The following DSG1 variants were observed in gnomAD, a reference collection of about 807,000 sequenced individuals.
The protein encoded by DSG1 is desmoglein 1, also known as desmoglein-1.
In DSG1, 39 loss-of-function variants were observed where a neutral mutation model predicts 97.5. The ratio of observed to expected loss-of-function variants is 0.40; its 90% confidence interval spans 0.31 to 0.52. The LOEUF is 0.52. Ranked by LOEUF, DSG1 falls within the 20% of genes least tolerant of loss-of-function variation. The pLI, the probability that DSG1 is intolerant of heterozygous loss-of-function variation, is 0.53. For synonymous variants in DSG1, 475 were observed against 443.4 expected (o/e 1.07, Z -0.90); for missense variants, 1,311 against 1,295.4 (o/e 1.01, Z -0.18).
intron 14 of DSG1, 30 bp downstream of exon 14, chr18:31,346,228 C>A: frequency 6.4e-7 from 1 of 1,559,392 alleles, no homozygotes; most frequent in Non-Finnish European, 8.8e-7. Context: ...GCCTTTCTCG[C>A]CATCCATGTG....
At position 31,318,190 on chromosome 18, in the gene DSG1, A is replaced by G; in HGVS notation, c.-111A>G. ...CACCTCAAAGCCTGCATGTAAGAAC[A>G]TCTACTGAGAAATTATTTTAATCAG... On this transcript the variant is annotated 5_prime_UTR_variant, in exon 1 of 15. Coordinates refer to ENST00000257192, the MANE Select transcript of DSG1 (RefSeq NM_001942.4). 1 of 965,442 alleles carries G rather than the reference A, an allele frequency of 1.0e-6. No individual in the cohort carries two copies. The highest frequency in any genetic ancestry group is 2.4e-5 in the East Asian group (1 of 41,896). The allele number at this position is 965,442 out of a possible 1,614,324, so 59.8% of individuals were successfully genotyped here.
intron 4 of DSG1, among the ~76,000 whole-genome samples, chr18:31,329,524 T>A (rs1271004822): frequency 6.6e-6 from 1 of 152,006 alleles, no homozygotes; most frequent in Admixed American, 6.6e-5. Context: ...CATAATGCAT[T>A]TTTTTACGTC....
intron 14 of DSG1, among the ~76,000 whole-genome samples, chr18:31,349,062 A>T: frequency 1.0e-5 from 1 of 99,190 alleles, no homozygotes; most frequent in African/African-American, 4.0e-5. Flanking sequence ...CTGAATGGTA[A>T]TGCCTAGGTT....
chr18:31,320,300 AT>A (rs1317763984), intron 1 of DSG1, among the ~76,000 whole-genome samples: 8 of 152,332 alleles, frequency 5.3e-5, no homozygotes, highest in Non-Finnish European at 1.2e-4. Flanking sequence ...ATGAAAAAAA[AT>A]TTATGTAAAG....
rs2071722565 is a variant in DSG1, at chr18:31,331,783, A to G, written c.600A>G (p.Arg200=). The G allele has an allele frequency of 3.7e-6, 6 of 1,612,924 alleles. No homozygotes were observed. Among genetic ancestry groups the G allele is most frequent in the African/African-American group, 1.3e-5 (1 of 74,976 alleles). ...LNSKIAFKII[R]QEPSDSPMFI... is the part of the protein sequence containing the mutation. ...CAAAAATAGCCTTCAAGATTATAAGACAAGAACCTTCAGATTCACCAATGT... is the reference window on the plus strand; with the variant it reads ...CAAAAATAGCCTTCAAGATTATAAGGCAAGAACCTTCAGATTCACCAATGT... The change falls in exon 6 of 15, where the codon AGA becomes AGG. Residue 200 remains arginine, a synonymous_variant. Coordinates refer to ENST00000257192, the MANE Select transcript of DSG1 (RefSeq NM_001942.4).
intron 13 of DSG1, 55 bp from the exon 14 acceptor site, chr18:31,345,935 T>C: frequency 6.9e-7 from 1 of 1,458,876 alleles, no homozygotes; most frequent in Admixed American, 1.8e-5. Flanking sequence ...AAGTTGTTAC[T>C]TTTTAGTTTA....
intron 10 of DSG1, 30 bp downstream of exon 10, chr18:31,338,484 T>C: frequency 6.2e-7 from 1 of 1,606,388 alleles, no homozygotes; most frequent in Non-Finnish European, 8.5e-7. Context: ...TTTTATCTTT[T>C]CTAGAGAAAG....
At chr18:31,334,366 T>G (rs2071739378) in intron 8 of DSG1, among the ~76,000 whole-genome samples, 164 bp downstream of exon 8, 1 of 152,264 alleles carries the variant, frequency 6.6e-6, no homozygotes, top group African/African-American at 2.4e-5. Context: ...ATATAGTCTT[T>G]CTGCTTATAA....
Position 31,358,773 on chromosome 18 carries a change from C to A in DSG1, c.*3427C>A, listed in dbSNP as rs1341858530. 6.6e-6 allele frequency among the ~76,000 whole-genome samples: 1 copy of A among 151,546 alleles called. No individual in the cohort carries two copies. Among genetic ancestry groups the A allele is most frequent in the East Asian group, 1.9e-4 (1 of 5,180 alleles). ...TCATAAATTCCAACTTTTTTTTTTACAATTTCTGGATTTTTAAGACCCATT... is the reference window on the plus strand; with the variant it reads ...TCATAAATTCCAACTTTTTTTTTTAAAATTTCTGGATTTTTAAGACCCATT... On this transcript the variant is annotated 3_prime_UTR_variant, in exon 15 of 15. Transcript: ENST00000257192.
At chr18:31,322,682 C>A (rs986549705) in intron 1 of DSG1, among the ~76,000 whole-genome samples, 6 of 151,920 alleles carry the variant, frequency 3.9e-5, no homozygotes, top group African/African-American at 7.3e-5. Flanking sequence ...TGCATCCTTG[C>A]GATGTATATA....
In DSG1 at chr18:31,357,901, A is replaced by G. The variant is rs2071972530; in HGVS notation, c.*2555A>G. 6.6e-6 allele frequency among the ~76,000 whole-genome samples: 1 copy of G among 151,998 alleles called. No individual in the cohort carries two copies. Among genetic ancestry groups the G allele is most frequent in the South Asian group, 2.1e-4 (1 of 4,830 alleles). ...GATTTTCCATTTAGTCCTAAATTTTAAAATTCCCTTTTCAAGACATCAACG... is the reference window on the plus strand; with the variant it reads ...GATTTTCCATTTAGTCCTAAATTTTGAAATTCCCTTTTCAAGACATCAACG... On this transcript the variant is annotated 3_prime_UTR_variant, in exon 15 of 15. Coordinates refer to ENST00000257192, the MANE Select transcript of DSG1 (RefSeq NM_001942.4).
chr18:31,355,077 G>A lies in DSG1; in HGVS notation c.2881G>A (p.Val961Ile), dbSNP rs200143796. 9.9e-5 allele frequency: 159 copies of A among 1,614,058 alleles called. No individual in the cohort carries two copies. Among genetic ancestry groups the A allele is most frequent in the African/African-American group, 3.2e-4 (24 of 74,918 alleles). Residue 961 changes from valine to isoleucine, a missense_variant, in exon 15 of 15, where the codon GTA becomes ATA. Transcript: ENST00000257192. ...VTERVVSGAG[V>I]TGISGTTGIS... ...AGAGAGGGTTGTTTCTGGTGCTGGC[G>A]TAACTGGAATTAGTGGCACCACTGG...
intron 14 of DSG1, 196 bp from the exon 15 acceptor site, chr18:31,354,101 T>C (rs2071929090): frequency 5.1e-6 from 3 of 592,058 alleles, no homozygotes; most frequent in Admixed American, 6.0e-5. Flanking sequence ...ATTAGAATTA[T>C]ACTTAAAATG....
chr18:31,321,746 T>C (rs1404288223), intron 1 of DSG1, among the ~76,000 whole-genome samples: 1 of 152,184 alleles, frequency 6.6e-6, no homozygotes, highest in East Asian at 1.9e-4. Context: ...AGAATAAGAT[T>C]CACTTATTTA....
intron 14 of DSG1, among the ~76,000 whole-genome samples, chr18:31,352,527 A>G (rs2071907380): frequency 6.6e-6 from 1 of 150,392 alleles, no homozygotes; most frequent in Non-Finnish European, 1.5e-5. Context: ...GCCTTGCTAG[A>G]TTGGGGAAGT....
At chr18:31,331,921 G>A (rs2071723786) in intron 6 of DSG1, 54 bp downstream of exon 6, 1 of 1,545,912 alleles carries the variant, frequency 6.5e-7, no homozygotes, top group African/African-American at 1.4e-5. Context: ...GATTCTAAAA[G>A]CAAGGATACT....
chr18:31,331,859 G>A lies in DSG1; in HGVS notation c.676G>A (p.Asp226Asn). The stretch of plus-strand genomic sequence containing the variant: ...AATTCGAACGATGAATAATTTTCTA[G>A]ACAGAGAGGTAATTCTTTTTCTTTA... ...GEIRTMNNFL[D>N]REQYGQYALA... The change falls in exon 6 of 15, where the codon GAC becomes AAC. Residue 226 changes from aspartate (D) to asparagine (N), a missense_variant. By Grantham distance (23) the Asp-to-Asn change is conservative. Coordinates refer to ENST00000257192, the MANE Select transcript of DSG1 (RefSeq NM_001942.4). 6.2e-7 allele frequency: 1 copy of A among 1,611,876 alleles called. No homozygotes were observed.
At chr18:31,327,237 G>A (rs1201087618) in intron 3 of DSG1, among the ~76,000 whole-genome samples, 3 of 152,126 alleles carry the variant, frequency 2.0e-5, no homozygotes, top group Non-Finnish European at 4.4e-5. Flanking sequence ...GCATACACAT[G>A]ATCATGTGTT....
intron 13 of DSG1, 29 bp from the exon 14 acceptor site, chr18:31,345,961 A>G: frequency 6.3e-7 from 1 of 1,590,138 alleles, no homozygotes. Context: ...GACTAAAGAA[A>G]ATAAATTTAA....
Sources: allele counts gnomAD v4.1 joint callset (sites outside exome capture counted in the v4.1 genomes callset), GRCh38; gene constraint gnomAD v4.1.1; transcripts MANE v1.5; gene names NCBI Gene and HGNC (gene_info 2026-07-23, HGNC 2026-07-21).